Variants in CFHR3 observed in about 807,000 individuals in gnomAD.
CFHR3 encodes complement factor H related 3, also known as complement factor H-related protein 3.
Under a neutral mutation model 36.0 loss-of-function variants are expected in CFHR3, and 22 were observed. That is an observed-to-expected ratio of 0.61 (90% CI 0.44 to 0.87). The LOEUF is 0.87. Among genes scored for constraint, CFHR3 ranks in the 40% least tolerant of loss-of-function variants. The pLI is 0.00. For synonymous variants in CFHR3, 97 were observed against 137.4 expected (o/e 0.71, Z 2.06); for missense variants, 276 against 401.3 (o/e 0.69, Z 2.67).
rs1000531860 is a variant in CFHR3, at chr1:196,792,729, A to G, written c.797-588A>G. Among the ~76,000 whole-genome samples, 3 of 135,960 alleles carry G rather than the reference A, an allele frequency of 2.2e-5. 1 individual carries two copies. The highest frequency in any genetic ancestry group is 4.7e-5 in the Non-Finnish European group (3 of 64,280). The allele number at this position is 135,960 out of a possible 152,430, so 89.2% of individuals were successfully genotyped here. The stretch of plus-strand genomic sequence containing the variant: ...AATAGAAAATGAAGATGACAGGGAT[A>G]GATGATGTTGATAGAGAGAGAGATA... On this transcript the variant is annotated intron_variant, in intron 5 of 5. Transcript: ENST00000367425.
intron 5 of CFHR3, among the ~76,000 whole-genome samples, chr1:196,791,139 T>C (rs576864089): frequency 1.5e-5 from 2 of 136,440 alleles, no homozygotes; most frequent in South Asian, 5.1e-4. Flanking sequence ...AACAAAGAAA[T>C]TAACGAAACT....
At chr1:196,793,183 A>G in intron 5 of CFHR3, 134 bp from the exon 6 acceptor site, 2 of 869,310 alleles carry the variant, frequency 2.3e-6, no homozygotes, top group South Asian at 4.1e-5. Context: ...GTCAGTATGT[A>G]GCACAAGTTA....
rs879920891 is a variant in CFHR3 at position 196,790,713 on chromosome 1, G to T, written c.796+486G>T. On this transcript the variant is annotated intron_variant, in intron 5 of 5. Transcript: ENST00000367425. ...CCCTCCAGCCTGGGCGACAGAGGGA[G>T]ACCCCATCTCCAAAAATAAAAAAAT... Among the ~76,000 whole-genome samples, 51 of 128,276 alleles carry T rather than the reference G, an allele frequency of 4.0e-4. 10 individuals carry two copies. In the Middle Eastern group the frequency reaches 0.021, roughly 52 times the overall value. 84.2% of individuals were successfully genotyped at this position (128,276 alleles called of 152,430 possible).
At chr1:196,791,020 A>G (rs1418523930) in intron 5 of CFHR3, among the ~76,000 whole-genome samples, 5 of 136,980 alleles carry the variant, frequency 3.7e-5, no homozygotes, top group East Asian at 3.9e-4. Context: ...ATTAAACCCT[A>G]CTTGAACACA....
intron 1 of CFHR3, among the ~76,000 whole-genome samples, chr1:196,778,746 C>A (rs1653829897): frequency 1.5e-5 from 2 of 135,510 alleles, no homozygotes; most frequent in South Asian, 5.2e-4. Flanking sequence ...TTCTCTTTTC[C>A]AAAAAACAAT....
At position 196,789,045 on chromosome 1, in the gene CFHR3, A is replaced by G. The variant is rs1160691405; in HGVS notation, c.613+647A>G. On this transcript the variant is annotated intron_variant, in intron 4 of 5. Transcript: ENST00000367425. ...GCTCGACCTTTACTTAGTATGATAA[A>G]GAGAATGCATAATGAACAAAGGAAA... The G allele has an allele frequency of 4.4e-5, 54 of 1,215,558 alleles. 6 individuals carry two copies. The highest frequency in any genetic ancestry group is 5.6e-5 in the Non-Finnish European group (54 of 967,966). 75.3% of individuals were successfully genotyped at this position (1,215,558 alleles called of 1,614,324 possible).
chr1:196,794,297 T>C lies in CFHR3; in HGVS notation c.*784T>C, dbSNP rs1381134080. On this transcript the variant is annotated 3_prime_UTR_variant, in exon 6 of 6. Coordinates refer to ENST00000367425, the MANE Select transcript of CFHR3 (RefSeq NM_021023.6). ...GTTCAACACGGTGAAACCCTGTCTC[T>C]ACTAAAAATAGAAAAACTAGCTCGG... Among the ~76,000 whole-genome samples the C allele has an allele frequency of 7.3e-6, 1 of 136,094 alleles. No individual in the cohort carries two copies. Among genetic ancestry groups the C allele is most frequent in the Middle Eastern group, 3.7e-3 (1 of 270 alleles). The allele number at this position is 136,094 out of a possible 152,430, so 89.3% of individuals were successfully genotyped here.
chr1:196,791,186 A>T lies in CFHR3; in HGVS notation c.796+959A>T, dbSNP rs1186034087. Among the ~76,000 whole-genome samples the T allele has an allele frequency of 1.5e-5, 2 of 135,666 alleles. 1 individual carries two copies. Among genetic ancestry groups the T allele is most frequent in the Non-Finnish European group, 3.1e-5 (2 of 64,376 alleles). 89.0% of individuals were successfully genotyped at this position (135,666 alleles called of 152,430 possible). ...CATAACCCATTGCTTTTCCATTTTT[A>T]CCTTATTCTCCTCTTCCCTTATACC... On this transcript the variant is annotated intron_variant, in intron 5 of 5. Transcript: ENST00000367425.
Position 196,794,422 on chromosome 1 carries a change from C to G in CFHR3, c.*909C>G, listed in dbSNP as rs1654523403. ...AGGTTGAACTGAGCCAAGATAGTGC[C>G]ACTGCACTCCAGCCTGGGCAATAGA... is the stretch of plus-strand genomic sequence containing the variant. On this transcript the variant is annotated 3_prime_UTR_variant, in exon 6 of 6. Coordinates refer to ENST00000367425, the MANE Select transcript of CFHR3 (RefSeq NM_021023.6). 1.5e-5 allele frequency among the ~76,000 whole-genome samples: 2 copies of G among 137,208 alleles called. No homozygotes were observed. Among genetic ancestry groups the G allele is most frequent in the Middle Eastern group, 3.8e-3 (1 of 260 alleles). The allele number at this position is 137,208 out of a possible 152,430, so 90.0% of individuals were successfully genotyped here.
chr1:196,775,037 CAA>C (rs1323465471), intron 1 of CFHR3, 93 bp downstream of exon 1: 3 of 1,109,502 alleles, frequency 2.7e-6, no homozygotes, highest in South Asian at 1.5e-5. Flanking sequence ...TTTTATGAAT[CAA>C]AGAGGATTTA....
At position 196,777,748 on chromosome 1, in the gene CFHR3, G is replaced by A. The variant is rs909189018; in HGVS notation, c.59-1414G>A. On this transcript the variant is annotated intron_variant, in intron 1 of 5. Coordinates refer to ENST00000367425, the MANE Select transcript of CFHR3 (RefSeq NM_021023.6). ...CCTGCCTTAATCCCAGCACTTTCGG[G>A]GGCCAAGGCGCGCGGATCACTTGAG... Among the ~76,000 whole-genome samples the A allele has an allele frequency of 8.9e-5, 12 of 134,944 alleles. 2 individuals are homozygous for A. Among genetic ancestry groups the A allele is most frequent in the Admixed American group, 7.9e-4 (11 of 13,900 alleles). 88.5% of individuals were successfully genotyped at this position (134,944 alleles called of 152,430 possible). A position where few individuals can be genotyped will look rare whatever the true frequency, so the allele number is the denominator to read the frequency against.
intron 3 of CFHR3, among the ~76,000 whole-genome samples, chr1:196,781,014 G>A (rs970090871): frequency 3.8e-5 from 4 of 106,358 alleles, no homozygotes; most frequent in Admixed American, 1.1e-4. Context: ...ATGTGTTCTC[G>A]TTGTTCAGTT....
At chr1:196,788,424 A>G in intron 4 of CFHR3, 26 bp downstream of exon 4, 1 of 1,521,216 alleles carries the variant, frequency 6.6e-7, no homozygotes, top group South Asian at 1.3e-5. Flanking sequence ...ATTCCCATTC[A>G]GTTTCTGTCA....
At chr1:196,791,430 C>T (rs1218211512) in intron 5 of CFHR3, among the ~76,000 whole-genome samples, 1 of 133,126 alleles carries the variant, frequency 7.5e-6, no homozygotes, top group African/African-American at 3.3e-5. Context: ...CCTTGAATGT[C>T]AGATAACCTA....
rs1445510668 is a variant in CFHR3 at position 196,792,925 on chromosome 1, T to A, written c.797-392T>A. On this transcript the variant is annotated intron_variant, in intron 5 of 5. Coordinates refer to ENST00000367425, the MANE Select transcript of CFHR3 (RefSeq NM_021023.6). ...TAAATTAGCAAAATGTGAGTACATT[T>A]GGAGTGCTTGTAGTCACGGCTTGTC... Among the ~76,000 whole-genome samples the A allele has an allele frequency of 1.5e-5, 2 of 136,292 alleles. 1 individual carries two copies. The highest frequency in any genetic ancestry group is 6.2e-5 in the African/African-American group (2 of 32,446). The allele number at this position is 136,292 out of a possible 152,430, so 89.4% of individuals were successfully genotyped here. A position where few individuals can be genotyped will look rare whatever the true frequency, so the allele number is the denominator to read the frequency against.
rs555291907 is a variant in CFHR3, at chr1:196,794,616, A to AT, written c.*1112dup. Reference sequence around the variant, plus strand: ...CATTTCTTATTAAGTTTTGCTTCAGATTTTTTTTTGTCTTTTCTCCTGTTA... The same window carrying AT: ...CATTTCTTATTAAGTTTTGCTTCAGATTTTTTTTTTGTCTTTTCTCCTGTTA... On this transcript the variant is annotated 3_prime_UTR_variant, in exon 6 of 6. Coordinates refer to ENST00000367425, the MANE Select transcript of CFHR3 (RefSeq NM_021023.6). 8.8e-3 allele frequency: 3,311 copies of AT among 377,292 alleles called. 716 individuals are homozygous for AT. The highest frequency in any genetic ancestry group is 0.074 in the African/African-American group (2,557 of 34,732). 23.4% of individuals were successfully genotyped at this position (377,292 alleles called of 1,614,324 possible).
chr1:196,783,113 T>G (rs1654028789), intron 3 of CFHR3, among the ~76,000 whole-genome samples: 4 of 137,018 alleles, frequency 2.9e-5, no homozygotes, highest in Non-Finnish European at 6.2e-5. Flanking sequence ...ATTTATTGAT[T>G]TGCGTATATT....
At chr1:196,789,523 C>T (rs1449540172) in intron 4 of CFHR3, 1 of 959,916 alleles carries the variant, frequency 1.0e-6, no homozygotes, top group East Asian at 4.1e-5. Flanking sequence ...TTTTATAGAA[C>T]TTATATCCAA....
rs1653704904 is a variant in CFHR3 at position 196,776,023 on chromosome 1, G to C, written c.58+1079G>C. ...ATCTGTGCCAAAATGGAAAAAAAAA[G>C]GAATTTCACCAGTTATTTCCTTTTT... is the stretch of plus-strand genomic sequence containing the variant. On this transcript the variant is annotated intron_variant, in intron 1 of 5. Coordinates refer to ENST00000367425, the MANE Select transcript of CFHR3 (RefSeq NM_021023.6). Among the ~76,000 whole-genome samples, 2 of 121,410 alleles carry C rather than the reference G, an allele frequency of 1.6e-5. 1 individual carries two copies. The highest frequency in any genetic ancestry group is 6.6e-5 in the African/African-American group (2 of 30,478). 79.6% of individuals were successfully genotyped at this position (121,410 alleles called of 152,430 possible). A position where few individuals can be genotyped will look rare whatever the true frequency, so the allele number is the denominator to read the frequency against.
Sources: gnomAD v4.1 joint callset for allele counts (sites outside exome capture counted in the v4.1 genomes callset) on GRCh38, gnomAD v4.1.1 for gene constraint, MANE v1.5 for transcripts, NCBI Gene and HGNC (gene_info 2026-07-23, HGNC 2026-07-21) for gene names.